CTNNA2: variants seen among roughly 807,000 people sequenced by gnomAD.
CTNNA2 encodes the protein catenin alpha 2, also known as catenin alpha-2.
Under a neutral mutation model 101.0 loss-of-function variants are expected in CTNNA2, and 42 were observed. The observed-to-expected ratio is 0.42, with a 90% CI of 0.32 to 0.54. The LOEUF (loss-of-function observed/expected upper bound fraction) is 0.54. Ranked by LOEUF, CTNNA2 falls within the 20% of genes least tolerant of loss-of-function variation. CTNNA2 has a pLI of 0.14. For synonymous variants in CTNNA2, 450 were observed against 456.4 expected (o/e 0.99, Z 0.18); for missense variants, 871 against 1,223.1 (o/e 0.71, Z 4.29).
At chr2:79,790,075 A>C (rs908500072) in intron 3 of CTNNA2, among the ~76,000 whole-genome samples, 1 of 152,214 alleles carries the variant, frequency 6.6e-6, no homozygotes, top group African/African-American at 2.4e-5. Flanking sequence ...TTCTAGAGCA[A>C]ATGAGAATCA....
At chr2:80,633,793 G>T (rs927016392) in intron 18 of CTNNA2, among the ~76,000 whole-genome samples, 2 of 152,192 alleles carry the variant, frequency 1.3e-5, no homozygotes, top group Non-Finnish European at 2.9e-5. Context: ...ACATAATTCT[G>T]TGCCTCTTAG....
intron 1 of CTNNA2, among the ~76,000 whole-genome samples, chr2:79,195,373 A>T (rs1273121583): frequency 1.3e-5 from 2 of 152,180 alleles, no homozygotes; most frequent in Non-Finnish European, 1.5e-5. Context: ...GCAACATATC[A>T]TTCCTGTGGG....
At chr2:79,836,075 A>T (rs1056848045) in intron 3 of CTNNA2, among the ~76,000 whole-genome samples, 2 of 151,898 alleles carry the variant, frequency 1.3e-5, no homozygotes, top group Admixed American at 1.3e-4. Flanking sequence ...CTTCTGTCTC[A>T]CTTCTCAGCC....
intron 9 of CTNNA2, among the ~76,000 whole-genome samples, chr2:80,535,294 T>A (rs939300665): frequency 1.3e-5 from 2 of 152,196 alleles, no homozygotes; most frequent in Non-Finnish European, 2.9e-5. Context: ...GTCTGTCATA[T>A]ATAGGCACTC....
rs1266058432 is a variant in CTNNA2, at chr2:79,982,228, A to G, written c.1056+72431A>G. Reference sequence around the variant, plus strand: ...TATATATATATATATATATATATATATATATATATATATGTATGTATATGT... The same window carrying G: ...TATATATATATATATATATATATATGTATATATATATATGTATGTATATGT... On this transcript the variant is annotated intron_variant, in intron 7 of 18. Transcript: ENST00000402739. 5.9e-3 allele frequency among the ~76,000 whole-genome samples: 587 copies of G among 99,684 alleles called. 33 individuals are homozygous for G. Among genetic ancestry groups the G allele is most frequent in the African/African-American group, 0.024 (505 of 21,168 alleles). 65.4% of individuals were successfully genotyped at this position (99,684 alleles called of 152,430 possible).
At chr2:79,290,445 C>A (rs1573040376) in intron 2 of CTNNA2, among the ~76,000 whole-genome samples, 1 of 152,076 alleles carries the variant, frequency 6.6e-6, no homozygotes, top group South Asian at 2.1e-4. Context: ...TAGGTGAGGA[C>A]GGGCACTCCT....
chr2:79,768,034 T>A (rs1185759820), intron 3 of CTNNA2, among the ~76,000 whole-genome samples: 2 of 151,796 alleles, frequency 1.3e-5, no homozygotes, highest in East Asian at 4.0e-4. Flanking sequence ...CAGAGCACTT[T>A]GGCATTTGGT....
At chr2:80,268,751 C>T (rs902330175) in intron 7 of CTNNA2, among the ~76,000 whole-genome samples, 2 of 152,044 alleles carry the variant, frequency 1.3e-5, no homozygotes, top group African/African-American at 2.4e-5. Flanking sequence ...ATACATATGA[C>T]GACTCTGAGG....
chr2:79,517,628 A>G (rs1450641125), intron 1 of CTNNA2, among the ~76,000 whole-genome samples: 2 of 152,182 alleles, frequency 1.3e-5, no homozygotes. Context: ...AGTCAGCTTT[A>G]TATTATACTA....
At chr2:79,828,969 A>T (rs1678658333) in intron 3 of CTNNA2, among the ~76,000 whole-genome samples, 1 of 152,162 alleles carries the variant, frequency 6.6e-6, no homozygotes, top group South Asian at 2.1e-4. Context: ...GAACTGTCAG[A>T]AACCTCAATC....
At chr2:79,854,013 C>T (rs184282488) in intron 3 of CTNNA2, among the ~76,000 whole-genome samples, 49 of 152,272 alleles carry the variant, frequency 3.2e-4, no homozygotes, top group Admixed American at 1.8e-3. Context: ...ATGCATCATT[C>T]CACATTTGAA....
intron 2 of CTNNA2, among the ~76,000 whole-genome samples, chr2:79,262,256 G>T (rs1331406854): frequency 6.6e-6 from 1 of 152,144 alleles, no homozygotes. Flanking sequence ...GAAAGGCATG[G>T]TTATGCCATG....
intron 7 of CTNNA2, among the ~76,000 whole-genome samples, chr2:80,150,095 C>T (rs1212064288): frequency 1.3e-5 from 2 of 152,112 alleles, no homozygotes; most frequent in Admixed American, 1.3e-4. Flanking sequence ...TGATTTGTTG[C>T]CACACTGTGG....
intron 1 of CTNNA2, among the ~76,000 whole-genome samples, chr2:79,538,751 A>G (rs1168827232): frequency 6.6e-6 from 1 of 152,200 alleles, no homozygotes; most frequent in Non-Finnish European, 1.5e-5. Context: ...CAGATTTTAT[A>G]TGGTCTTAAA....
chr2:80,295,842 T>C (rs1573623729), intron 7 of CTNNA2, among the ~76,000 whole-genome samples: 1 of 152,338 alleles, frequency 6.6e-6, no homozygotes, highest in East Asian at 1.9e-4. Context: ...ATGTGAATTA[T>C]ATTCTTTTAA....
intron 7 of CTNNA2, among the ~76,000 whole-genome samples, chr2:80,331,889 T>G (rs1468208332): frequency 6.6e-6 from 1 of 152,074 alleles, no homozygotes; most frequent in Non-Finnish European, 1.5e-5. Context: ...ATAAAATGAC[T>G]CCATTGATGC....
intron 3 of CTNNA2, among the ~76,000 whole-genome samples, chr2:79,801,583 C>CG (rs11447058): frequency 0.42 from 63,918 of 151,780 alleles, 15,871 homozygotes; most frequent in African/African-American, 0.67. Flanking sequence ...GCAGTGCATA[C>CG]GGGGGCTCAC....
chr2:80,605,197 G>C (rs934922101), intron 16 of CTNNA2: 1 of 151,800 alleles, frequency 6.6e-6, no homozygotes, highest in Non-Finnish European at 1.5e-5. Flanking sequence ...GTTTTATTTG[G>C]CTTGAATTGG....
intron 14 of CTNNA2, among the ~76,000 whole-genome samples, chr2:80,584,434 C>CG (rs1695800296): frequency 4.4e-5 from 1 of 22,726 alleles, no homozygotes; most frequent in Non-Finnish European, 9.3e-5. Flanking sequence ...AGATAGGGGG[C>CG]GGGGGGCGGT....
Sources: gnomAD v4.1 joint callset for allele counts (sites outside exome capture counted in the v4.1 genomes callset) on GRCh38, gnomAD v4.1.1 for gene constraint, MANE v1.5 for transcripts, NCBI Gene and HGNC (gene_info 2026-07-23, HGNC 2026-07-21) for gene names.